The following ZBTB7C variants were observed in gnomAD, a reference collection of about 807,000 sequenced individuals.
ZBTB7C encodes zinc finger and BTB domain-containing protein 7C.
A neutral mutation model predicts 25.7 loss-of-function variants in ZBTB7C; 8 were observed. The observed-to-expected ratio is 0.31, with a 90% CI of 0.18 to 0.56. ZBTB7C has a LOEUF of 0.56. ZBTB7C is among the 20% of genes least tolerant of loss of function. The probability of loss-of-function intolerance (pLI) is 0.91; values close to 1 mark genes in which losing one functional copy is unlikely to be tolerated. For missense variants in ZBTB7C, 824 were observed against 855.2 expected, an observed-to-expected ratio of 0.96 and a Z score of 0.46; for synonymous variants, 394 against 369.0, an observed-to-expected ratio of 1.07 and a Z score of -0.78.
At chr18:48,269,059 C>A (rs1239856037) in intron 2 of ZBTB7C, among the ~76,000 whole-genome samples, 1 of 149,054 alleles carries the variant, frequency 6.7e-6, no homozygotes, top group African/African-American at 2.5e-5. Flanking sequence ...CTCCCAGGTT[C>A]AAGTGATTCT....
intron 2 of ZBTB7C, among the ~76,000 whole-genome samples, chr18:48,218,340 C>T (rs1025275759): frequency 5.3e-5 from 8 of 152,204 alleles, no homozygotes; most frequent in Non-Finnish European, 1.5e-5. Flanking sequence ...GGCTGGTCAC[C>T]CTGCTCTCTC....
chr18:48,237,685 C>G (rs2043418294), intron 2 of ZBTB7C, among the ~76,000 whole-genome samples: 1 of 150,918 alleles, frequency 6.6e-6, no homozygotes, highest in African/African-American at 2.4e-5. Context: ...TTCATGTTAT[C>G]CAGTAAAAAG....
Position 48,040,521 on chromosome 18 carries a change from G to A in ZBTB7C, c.587C>T (p.Thr196Ile), listed in dbSNP as rs779816847. ...HQSPSKTDHL[T>I]EKAYSDTPRD... ...GGGGGTGTCTGAATAGGCCTTCTCTGTGAGATGGTCTGTCTTGGAAGGGCT... is the reference window on the plus strand; with the variant it reads ...GGGGGTGTCTGAATAGGCCTTCTCTATGAGATGGTCTGTCTTGGAAGGGCT... Residue 196 changes from threonine (T) to isoleucine (I), a missense_variant, in exon 4 of 5, where the codon ACA becomes ATA. By Grantham distance (89) the Thr-to-Ile change is moderately conservative. Around this residue, in one of 4 missense-constraint regions of ZBTB7C, gnomAD observed 316 missense variants for 299.2 expected, o/e 1.06. Coordinates refer to ENST00000590800, the MANE Select transcript of ZBTB7C (RefSeq NM_001318841.2). 1 of 1,613,926 alleles carries A rather than the reference G, an allele frequency of 6.2e-7. No individual in the cohort carries two copies. The highest frequency in any genetic ancestry group is 8.5e-7 in the Non-Finnish European group (1 of 1,179,914).
intron 1 of ZBTB7C, among the ~76,000 whole-genome samples, chr18:48,403,801 AC>A (rs2048216163): frequency 6.6e-6 from 1 of 152,108 alleles, no homozygotes; most frequent in Admixed American, 6.5e-5. Flanking sequence ...ACCAAATACC[AC>A]CTGTTCCCCA....
At chr18:48,049,777 G>A (rs1174886668) in intron 3 of ZBTB7C, among the ~76,000 whole-genome samples, 3 of 152,174 alleles carry the variant, frequency 2.0e-5, no homozygotes, top group Non-Finnish European at 4.4e-5. Flanking sequence ...TGCCCTTCAA[G>A]AATAGAACTG....
At chr18:48,112,067 G>A (rs1196016808) in intron 3 of ZBTB7C, among the ~76,000 whole-genome samples, 1 of 152,066 alleles carries the variant, frequency 6.6e-6, no homozygotes, top group African/African-American at 2.4e-5. Flanking sequence ...ACTATGAAAT[G>A]ACTTGTGGCC....
intron 2 of ZBTB7C, among the ~76,000 whole-genome samples, chr18:48,189,445 G>C (rs1441753218): frequency 6.6e-6 from 1 of 152,060 alleles, no homozygotes; most frequent in Non-Finnish European, 1.5e-5. Flanking sequence ...AGGCTTTGGA[G>C]ACAGGGGGAG....
Position 48,051,537 on chromosome 18 carries a change from C to T in ZBTB7C, c.-16-10414G>A, listed in dbSNP as rs139364004. ...TTGACCTCTTTGGTGGCAGGCCAGG[C>T]GGAATTATGCCTATTTGACAGATGA... On this transcript the variant is annotated intron_variant, in intron 3 of 4. Transcript: ENST00000590800. Among the ~76,000 whole-genome samples, 237 of 152,066 alleles carry T rather than the reference C, an allele frequency of 1.6e-3. 1 individual carries two copies. The highest frequency in any genetic ancestry group is 5.4e-3 in the African/African-American group (223 of 41,460).
chr18:48,225,093 G>A (rs2043055440), intron 2 of ZBTB7C, among the ~76,000 whole-genome samples: 1 of 152,176 alleles, frequency 6.6e-6, no homozygotes, highest in African/African-American at 2.4e-5. Context: ...CTGCTGTATG[G>A]ACCTATGTCT....
intron 2 of ZBTB7C, among the ~76,000 whole-genome samples, chr18:48,200,412 C>T (rs2042413573): frequency 6.6e-6 from 1 of 152,022 alleles, no homozygotes. Context: ...CAAATCTAAC[C>T]CCTACCTGGA....
chr18:48,389,236 C>CGTGTGTGT (rs71165323), intron 1 of ZBTB7C, among the ~76,000 whole-genome samples: 35 of 62,348 alleles, frequency 5.6e-4, no homozygotes, highest in African/African-American at 2.2e-3. Context: ...CTCTCTCTCT[C>CGTGTGTGT]GTGTGTGTGT....
intron 3 of ZBTB7C, among the ~76,000 whole-genome samples, chr18:48,172,127 G>A (rs2041503419): frequency 6.6e-6 from 1 of 152,244 alleles, no homozygotes; most frequent in Non-Finnish European, 1.5e-5. Context: ...GCAGGCAGAG[G>A]AAGAAGGTCA....
At chr18:48,271,065 C>T (rs2044472363) in intron 2 of ZBTB7C, among the ~76,000 whole-genome samples, 1 of 152,160 alleles carries the variant, frequency 6.6e-6, no homozygotes, top group South Asian at 2.1e-4. Context: ...AACCTGCATA[C>T]ATTAGTAACC....
At chr18:48,161,625 C>G (rs1430143223) in intron 3 of ZBTB7C, among the ~76,000 whole-genome samples, 1 of 152,104 alleles carries the variant, frequency 6.6e-6, no homozygotes, top group Non-Finnish European at 1.5e-5. Context: ...AGCCGCTCCG[C>G]CCGGCCACAA....
intron 4 of ZBTB7C, among the ~76,000 whole-genome samples, chr18:48,032,097 GAGGT>G (rs1180235464): frequency 1.2e-4 from 18 of 152,042 alleles, no homozygotes; most frequent in Non-Finnish European, 2.5e-4. Flanking sequence ...CACAACCTAT[GAGGT>G]AGGTTTTTTT....
intron 3 of ZBTB7C, among the ~76,000 whole-genome samples, chr18:48,094,276 T>C (rs1375456090): frequency 1.3e-5 from 2 of 152,208 alleles, no homozygotes; most frequent in Non-Finnish European, 2.9e-5. Flanking sequence ...TTTTAGCTCA[T>C]GTGCAACTAT....
At chr18:48,164,994 T>C (rs2041194489) in intron 3 of ZBTB7C, 1 of 1,165,150 alleles carries the variant, frequency 8.6e-7, no homozygotes, top group South Asian at 1.6e-5. Flanking sequence ...AGCAGGGTTA[T>C]ATTACTTCTT....
chr18:48,299,763 A>G (rs947437579), intron 2 of ZBTB7C, among the ~76,000 whole-genome samples: 1 of 152,254 alleles, frequency 6.6e-6, no homozygotes, highest in African/African-American at 2.4e-5. Flanking sequence ...CCCTGTGGGG[A>G]GAGAGAGTTC....
At chr18:48,186,890 G>T (rs4436842) in intron 2 of ZBTB7C, among the ~76,000 whole-genome samples, 58,329 of 152,036 alleles carry the variant, frequency 0.38, 11,923 homozygotes, top group African/African-American at 0.53. Context: ...CCAAGCAAGG[G>T]CACAAAGCAT....
Sources: allele counts gnomAD v4.1 joint callset (sites outside exome capture counted in the v4.1 genomes callset), GRCh38; gene constraint gnomAD v4.1.1; regional missense constraint gnomAD v4.1.1; transcripts MANE v1.5; gene names NCBI Gene and HGNC (gene_info 2026-07-23, HGNC 2026-07-21).